OAS3: variants seen among roughly 807,000 people sequenced by gnomAD.
OAS3 encodes the protein 2'-5'-oligoadenylate synthetase 3, also known as 2'-5'-oligoadenylate synthase 3.
Under a neutral mutation model 113.0 loss-of-function variants are expected in OAS3, and 107 were observed. The observed-to-expected ratio is 0.95, with a 90% confidence interval of 0.81 to 1.11. The LOEUF (loss-of-function observed/expected upper bound fraction) is 1.11. Ranked by LOEUF, OAS3 falls within the 50% of genes most tolerant of loss-of-function variation. The pLI, the probability that OAS3 is intolerant of heterozygous loss-of-function variation, is 0.00. For missense variants in OAS3, 1,258 were observed against 1,389.1 expected (o/e 0.91, Z 1.50); for synonymous variants, 552 against 573.6 (o/e 0.96, Z 0.54).
rs373836381 is a variant in OAS3 at position 112,967,552 on chromosome 12, C to T, written c.2824C>T (p.Leu942=). The change falls in exon 13 of 16, where the codon CTG becomes TTG. Residue 942 remains leucine, a synonymous_variant. Coordinates refer to ENST00000228928, the MANE Select transcript of OAS3 (RefSeq NM_006187.4). ...CTTCATCATCTCTCGCCCTACCAAG[C>T]TGAAGAGCCTGATCCGGCTGGTGAA... is the stretch of plus-strand genomic sequence containing the variant. ...RDFIISRPTK[L]KSLIRLVKHW... 27 of 1,613,718 alleles carry T rather than the reference C, an allele frequency of 1.7e-5. No homozygotes were observed. Among genetic ancestry groups the T allele is most frequent in the Non-Finnish European group, 2.1e-5 (25 of 1,179,844 alleles).
intron 4 of OAS3, 139 bp from the exon 5 acceptor site, chr12:112,947,807 A>C: frequency 2.8e-6 from 2 of 713,328 alleles, no homozygotes; most frequent in Non-Finnish European, 2.2e-6. Flanking sequence ...GCGGATAAGG[A>C]AATCGAGGCT....
Position 112,941,652 on chromosome 12 carries a change from A to G in OAS3, c.260A>G (p.Tyr87Cys). ...ATCTTCCTCGACTGCTTCAAGAGCT[A>G]TGTGGACCAGAGGGCCCGCCGTGCA... ...LVIFLDCFKSYVDQRARRAEI... is the reference protein window; with the variant it reads ...LVIFLDCFKSCVDQRARRAEI... Residue 87 changes from tyrosine (Y) to cysteine (C), a missense_variant, in exon 2 of 16, where the codon TAT becomes TGT. Physicochemically the swap from Tyr to Cys is radical, Grantham distance 194 (BLOSUM62 -2). Coordinates refer to ENST00000228928, the MANE Select transcript of OAS3 (RefSeq NM_006187.4). 1 of 1,614,024 alleles carries G rather than the reference A, an allele frequency of 6.2e-7. No individual in the cohort carries two copies. Among genetic ancestry groups the G allele is most frequent in the Non-Finnish European group, 8.5e-7 (1 of 1,179,898 alleles).
At position 112,968,035 on chromosome 12, in the gene OAS3, T is replaced by A. The variant is rs762506873; in HGVS notation, c.2965T>A (p.Phe989Ile). 3.5e-5 allele frequency: 56 copies of A among 1,613,780 alleles called. No homozygotes were observed. In the South Asian group the frequency reaches 6.1e-4, roughly 18 times the overall value. Reference sequence around the variant, plus strand: ...GGAGCAGGGCGGGAAGGACTCCCAGTTCAACATGGCTGAGGGCTTCCGCAC... The same window carrying A: ...GGAGCAGGGCGGGAAGGACTCCCAGATCAACATGGCTGAGGGCTTCCGCAC... ...AWEQGGKDSQ[F>I]NMAEGFRTVL... The change falls in exon 14 of 16, where the codon TTC becomes ATC. Residue 989 changes from phenylalanine to isoleucine, a missense_variant. Transcript: ENST00000228928.
At position 112,946,950 on chromosome 12, in the gene OAS3, C is replaced by CA; in HGVS notation, c.845dup (p.Phe283ValfsTer7). 1.2e-6 allele frequency: 2 copies of CA among 1,614,046 alleles called. No homozygotes were observed. The highest frequency in any genetic ancestry group is 1.7e-6 in the Non-Finnish European group (2 of 1,179,890). ...TGGCTTCGAGGACCCTGCAGTTGGG[C>CA]AGTTCTTGCAGCGGCAGCTTAAGAG... On this transcript the variant is annotated frameshift_variant, in exon 4 of 16. Coordinates refer to ENST00000228928, the MANE Select transcript of OAS3 (RefSeq NM_006187.4). LOFTEE classifies it high-confidence loss of function.
At chr12:112,939,163 A>AT (rs1307371409) in intron 1 of OAS3, among the ~76,000 whole-genome samples, 1 of 152,248 alleles carries the variant, frequency 6.6e-6, no homozygotes, top group African/African-American at 2.4e-5. Flanking sequence ...TTATTGAGAC[A>AT]TTATCAAATA....
At position 112,941,663 on chromosome 12, in the gene OAS3, A is replaced by C. The variant is rs756154523; in HGVS notation, c.271A>C (p.Arg91=). ...LDCFKSYVDQ[R]ARRAEILSEM... is the part of the protein sequence containing the mutation. Reference sequence around the variant, plus strand: ...CTGCTTCAAGAGCTATGTGGACCAGAGGGCCCGCCGTGCAGAGATCCTCAG... The same window carrying C: ...CTGCTTCAAGAGCTATGTGGACCAGCGGGCCCGCCGTGCAGAGATCCTCAG... Residue 91 remains arginine (R), a synonymous_variant, in exon 2 of 16, where the codon AGG becomes CGG. Transcript: ENST00000228928. 6 of 1,614,030 alleles carry C rather than the reference A, an allele frequency of 3.7e-6. No homozygotes were observed. Among genetic ancestry groups the C allele is most frequent in the Non-Finnish European group, 5.1e-6 (6 of 1,179,906 alleles).
chr12:112,968,130 C>G lies in OAS3; in HGVS notation c.3060C>G (p.Asp1020Glu), dbSNP rs1226691820. 6.2e-7 allele frequency: 1 copy of G among 1,613,952 alleles called. No individual in the cohort carries two copies. The highest frequency in any genetic ancestry group is 2.2e-5 in the East Asian group (1 of 44,868). Residue 1020 changes from aspartate (D) to glutamate (E), a missense_variant, in exon 14 of 16, where the codon GAC becomes GAG. Physicochemically the swap from Asp to Glu is conservative, Grantham distance 45 (BLOSUM62 2). Transcript: ENST00000228928. Reference protein sequence around the residue: ...IYWTINYNAKDKTVGDFLKQQ... With the variant: ...IYWTINYNAKEKTVGDFLKQQ... Reference sequence around the variant, plus strand: ...GGACCATCAACTACAACGCCAAGGACAAGACTGTTGGAGACTTCCTGAAAC... The same window carrying G: ...GGACCATCAACTACAACGCCAAGGAGAAGACTGTTGGAGACTTCCTGAAAC...
At chr12:112,938,730 T>G (rs1424538665) in intron 1 of OAS3, 23 bp downstream of exon 1, 18 of 1,460,816 alleles carry the variant, frequency 1.2e-5, no homozygotes, top group Non-Finnish European at 1.6e-5. Context: ...CTCGGGGTCT[T>G]TATGTGTCCA....
intron 8 of OAS3, among the ~76,000 whole-genome samples, chr12:112,962,448 T>A (rs999105182): frequency 3.3e-5 from 5 of 152,232 alleles, no homozygotes; most frequent in African/African-American, 1.2e-4. Context: ...ACGTCTGAGC[T>A]CTCAGTCTCA....
intron 6 of OAS3, 28 bp downstream of exon 6, chr12:112,949,233 G>GA (rs1407172870): frequency 6.3e-7 from 1 of 1,588,210 alleles, no homozygotes; most frequent in South Asian, 1.1e-5. Context: ...AGACACAGGG[G>GA]GGACCCTATC....
intron 7 of OAS3, among the ~76,000 whole-genome samples, chr12:112,955,183 C>T (rs2043822065): frequency 6.6e-6 from 1 of 152,184 alleles, no homozygotes; most frequent in Non-Finnish European, 1.5e-5. Flanking sequence ...TATCCTGAGA[C>T]TTTGCTGAAG....
rs2136340536 is a variant in OAS3, at chr12:112,938,492, C to T, written c.-39C>T. 2 of 1,515,316 alleles carry T rather than the reference C, an allele frequency of 1.3e-6. No individual in the cohort carries two copies. The highest frequency in any genetic ancestry group is 1.4e-5 in the African/African-American group (1 of 69,660). The allele number at this position is 1,515,316 out of a possible 1,614,324, so 93.9% of individuals were successfully genotyped here. ...CGAAACCAGAAATCCGAAGGCCGCG[C>T]CAGAGCCCTGCTTCCCCTTGCACCT... On this transcript the variant is annotated 5_prime_UTR_variant, in exon 1 of 16. Coordinates refer to ENST00000228928, the MANE Select transcript of OAS3 (RefSeq NM_006187.4).
chr12:112,970,299 C>T lies in OAS3; in HGVS notation c.*326C>T. The T allele has an allele frequency of 2.4e-6, 1 of 422,902 alleles. No individual in the cohort carries two copies. Among genetic ancestry groups the T allele is most frequent in the Non-Finnish European group, 4.3e-6 (1 of 232,140 alleles). The allele number at this position is 422,902 out of a possible 1,614,324, so 26.2% of individuals were successfully genotyped here. ...GCTTCCCACCCAGCTGAGAATGCCC[C>T]CTCCTCCCTGACTCCTCTCTGCCCA... is the stretch of plus-strand genomic sequence containing the variant. On this transcript the variant is annotated 3_prime_UTR_variant, in exon 16 of 16. Coordinates refer to ENST00000228928, the MANE Select transcript of OAS3 (RefSeq NM_006187.4).
At chr12:112,964,638 A>C (rs2136359776) in intron 11 of OAS3, among the ~76,000 whole-genome samples, 1 of 151,844 alleles carries the variant, frequency 6.6e-6, no homozygotes, top group Non-Finnish European at 1.5e-5. Context: ...CAACAAAGGA[A>C]TGTATTGACT....
chr12:112,946,705 T>G (rs1315597841), intron 3 of OAS3, 38 bp from the exon 4 acceptor site: 1 of 1,547,300 alleles, frequency 6.5e-7, no homozygotes, highest in Non-Finnish European at 8.8e-7. Flanking sequence ...TTTCCTCCCC[T>G]TCTTCCTTCT....
chr12:112,967,952 A>AG lies in OAS3; in HGVS notation c.2886dup (p.Arg963GlufsTer31). On this transcript the variant is annotated frameshift_variant, in exon 14 of 16. Coordinates refer to ENST00000228928, the MANE Select transcript of OAS3 (RefSeq NM_006187.4). LOFTEE classifies it high-confidence loss of function. ...GTTCTCCAGTGTACCAAGATCTCCA[A>AG]GGGGAGAGGCTCCCTACCCCCACAG... 6.2e-7 allele frequency: 1 copy of AG among 1,613,666 alleles called. No individual in the cohort carries two copies. Among genetic ancestry groups the AG allele is most frequent in the Non-Finnish European group, 8.5e-7 (1 of 1,179,688 alleles).
chr12:112,960,943 T>A, intron 7 of OAS3, 128 bp from the exon 8 acceptor site: 1 of 830,656 alleles, frequency 1.2e-6, no homozygotes, highest in South Asian at 1.5e-5. Flanking sequence ...AATGTTATAG[T>A]GTATTATTGA....
chr12:112,943,630 G>A (rs930877940), intron 2 of OAS3, among the ~76,000 whole-genome samples: 2 of 152,180 alleles, frequency 1.3e-5, no homozygotes, highest in African/African-American at 2.4e-5. Flanking sequence ...TATCAAGTGG[G>A]ATGAAGAACT....
At position 112,938,668 on chromosome 12, in the gene OAS3, C is replaced by T. The variant is rs779067881; in HGVS notation, c.138C>T (p.Arg46=). 1.3e-6 allele frequency: 2 copies of T among 1,588,108 alleles called. No homozygotes were observed. The highest frequency in any genetic ancestry group is 1.7e-6 in the Non-Finnish European group (2 of 1,169,034). Residue 46 remains arginine (R), a synonymous_variant, in exon 1 of 16, where the codon CGC becomes CGT. Transcript: ENST00000228928. ...CTGCCCTGAGGGAGCGCGGGGGCCG[C>T]CTCGGTGCTGCTGCCCCGCGGGTGC... The part of the protein sequence containing the change: ...LAAALRERGG[R]LGAAAPRVLK...
Sources: gnomAD v4.1 joint callset for allele counts (sites outside exome capture counted in the v4.1 genomes callset) on GRCh38, gnomAD v4.1.1 for gene constraint, MANE v1.5 for transcripts, NCBI Gene and HGNC (gene_info 2026-07-23, HGNC 2026-07-21) for gene names.